Variants in HCRTR2 observed in about 807,000 individuals in gnomAD.
The protein encoded by HCRTR2 is hypocretin receptor 2.
HCRTR2 carries 22 observed loss-of-function variants against 49.0 expected under a neutral mutation model. That is an observed-to-expected ratio of 0.45 (90% CI 0.32 to 0.64). HCRTR2 has a LOEUF of 0.64. Ranked by LOEUF, HCRTR2 falls within the 30% of genes least tolerant of loss-of-function variation. HCRTR2 has a pLI of 0.04. For synonymous variants in HCRTR2, 236 were observed against 205.3 expected, an observed-to-expected ratio of 1.15 and a Z score of -1.28; for missense variants, 491 against 559.4, an observed-to-expected ratio of 0.88 and a Z score of 1.23.
At chr6:55,197,412 C>T (rs537525964) in intron 1 of HCRTR2, among the ~76,000 whole-genome samples, 15 of 152,242 alleles carry the variant, frequency 9.9e-5, no homozygotes, top group Non-Finnish European at 5.9e-5. Context: ...AACTCTAACT[C>T]GAAGTCAAAA....
At chr6:55,248,876 G>A in intron 2 of HCRTR2, 59 bp downstream of exon 2, 1 of 1,395,364 alleles carries the variant, frequency 7.2e-7, no homozygotes, top group Non-Finnish European at 1.0e-6. Context: ...CATAGCGATG[G>A]CCCTTATGGT....
chr6:55,121,952 TG>T (rs1479823327), intron 1 of HCRTR2, among the ~76,000 whole-genome samples: 2 of 152,184 alleles, frequency 1.3e-5, no homozygotes, highest in Non-Finnish European at 2.9e-5. Context: ...TGCCAAGTTT[TG>T]GTATCAGGAT....
intron 1 of HCRTR2, among the ~76,000 whole-genome samples, chr6:55,153,708 G>A (rs1764692791): frequency 1.3e-5 from 2 of 151,826 alleles, no homozygotes; most frequent in Admixed American, 6.6e-5. Flanking sequence ...ATCCATACTG[G>A]TGGAGTCTAA....
intron 1 of HCRTR2, among the ~76,000 whole-genome samples, chr6:55,180,302 CAT>C (rs1244440772): frequency 6.6e-6 from 1 of 152,214 alleles, no homozygotes; most frequent in East Asian, 1.9e-4. Flanking sequence ...ATGCTTATTC[CAT>C]TACTTCATCC....
chr6:55,269,967 CA>C (rs200045358), intron 4 of HCRTR2, among the ~76,000 whole-genome samples: 4 of 151,592 alleles, frequency 2.6e-5, no homozygotes, highest in South Asian at 2.1e-4. Flanking sequence ...CTTGTCAAAA[CA>C]AAAAAAATTC....
chr6:55,245,929 T>C (rs1246234353), intron 1 of HCRTR2, among the ~76,000 whole-genome samples: 2 of 152,026 alleles, frequency 1.3e-5, no homozygotes, highest in Admixed American at 1.3e-4. Context: ...GCAGATGTAA[T>C]TTGATATGGT....
chr6:55,200,321 A>G (rs1765491506), intron 1 of HCRTR2, among the ~76,000 whole-genome samples: 1 of 146,312 alleles, frequency 6.8e-6, no homozygotes, highest in Non-Finnish European at 1.5e-5. Flanking sequence ...CTGGAGTGCA[A>G]TGGTGGGATC....
At chr6:55,183,498 T>C (rs1029941615) in intron 1 of HCRTR2, among the ~76,000 whole-genome samples, 4 of 152,216 alleles carry the variant, frequency 2.6e-5, no homozygotes, top group Admixed American at 1.3e-4. Flanking sequence ...AAAGACCTTG[T>C]GTACAATTCT....
rs530138605 is a variant in HCRTR2 at position 55,144,099 on chromosome 6, C to CTT, written c.-377-30081_-377-30080dup. ...GTGACGCCATTCTTTCCCGTCCTGC[C>CTT]TTTTTTTTTTTTTTTTTTTTTTTTT... On this transcript the variant is annotated intron_variant, in intron 1 of 7. Coordinates refer to the HCRTR2 transcript ENST00000615358. Among the ~76,000 whole-genome samples the CTT allele has an allele frequency of 8.9e-3, 755 of 85,268 alleles. 38 individuals carry two copies. The highest frequency in any genetic ancestry group is 0.01 in the Non-Finnish European group (477 of 46,696). The allele number at this position is 85,268 out of a possible 152,430, so 55.9% of individuals were successfully genotyped here. A position where few individuals can be genotyped will look rare whatever the true frequency, so the allele number is the denominator to read the frequency against.
chr6:55,122,685 C>G (rs1764218138), intron 1 of HCRTR2, among the ~76,000 whole-genome samples: 1 of 151,896 alleles, frequency 6.6e-6, no homozygotes, highest in Non-Finnish European at 1.5e-5. Flanking sequence ...TATTGTGGCA[C>G]TATTCACAAT....
intron 1 of HCRTR2, among the ~76,000 whole-genome samples, chr6:55,242,089 C>G (rs532594960): frequency 6.6e-6 from 1 of 151,744 alleles, no homozygotes; most frequent in Non-Finnish European, 1.5e-5. Context: ...AGTCTGGTCT[C>G]GAACTCCTGA....
At chr6:55,263,909 T>C (rs1218592985) in intron 4 of HCRTR2, 87 bp downstream of exon 4, 2 of 851,132 alleles carry the variant, frequency 2.3e-6, no homozygotes, top group Admixed American at 4.0e-5. Context: ...TGTCTGTGCT[T>C]TTTTTTTAGG....
intron 1 of HCRTR2, among the ~76,000 whole-genome samples, chr6:55,176,759 T>A (rs926633043): frequency 2.0e-5 from 3 of 152,184 alleles, no homozygotes; most frequent in Non-Finnish European, 2.9e-5. Flanking sequence ...GAGAATAGAT[T>A]CTCTGCTCCT....
chr6:55,173,102 T>A (rs561512717), upstream of HCRTR2, among the ~76,000 whole-genome samples: 1 of 152,142 alleles, frequency 6.6e-6, no homozygotes, highest in Non-Finnish European at 1.5e-5. Context: ...TGAGGGCATA[T>A]AAAGGAGCGC....
intron 6 of HCRTR2, among the ~76,000 whole-genome samples, chr6:55,281,931 G>A (rs1767198554): frequency 6.6e-6 from 1 of 152,060 alleles, no homozygotes; most frequent in Non-Finnish European, 1.5e-5. Context: ...TAGTTATGTA[G>A]ATAAAATATA....
intron 1 of HCRTR2, among the ~76,000 whole-genome samples, chr6:55,213,805 G>A (rs966298962): frequency 2.6e-5 from 4 of 152,096 alleles, no homozygotes; most frequent in African/African-American, 9.7e-5. Context: ...ACAATGTTGG[G>A]GGCTGCAGAA....
At chr6:55,245,479 A>ATATC (rs1766419740) in intron 1 of HCRTR2, among the ~76,000 whole-genome samples, 1 of 117,942 alleles carries the variant, frequency 8.5e-6, no homozygotes, top group Non-Finnish European at 1.7e-5. Flanking sequence ...TTATATATAT[A>ATATC]TATATATATA....
intron 1 of HCRTR2, among the ~76,000 whole-genome samples, chr6:55,147,805 G>A (rs951361837): frequency 1.3e-5 from 2 of 152,214 alleles, no homozygotes; most frequent in Non-Finnish European, 2.9e-5. Flanking sequence ...GGCTCTGGAT[G>A]TAAACAGTTT....
chr6:55,137,678 A>G (rs1287908345), intron 1 of HCRTR2, among the ~76,000 whole-genome samples: 5 of 152,242 alleles, frequency 3.3e-5, no homozygotes, highest in Admixed American at 6.5e-5. Context: ...CTGTAGGTCA[A>G]ATGTCCTTGC....
Sources: gnomAD v4.1 joint callset for allele counts (sites outside exome capture counted in the v4.1 genomes callset) on GRCh38, gnomAD v4.1.1 for gene constraint, MANE v1.5 for transcripts, NCBI Gene and HGNC (gene_info 2026-07-23, HGNC 2026-07-21) for gene names.